The following PCCA variants were observed in gnomAD, a reference collection of about 807,000 sequenced individuals.
The protein encoded by PCCA is propionyl-CoA carboxylase alpha chain, mitochondrial.
In PCCA, 74 loss-of-function variants were observed where a neutral mutation model predicts 101.3. The observed-to-expected ratio is 0.73, with a 90% CI of 0.61 to 0.89. PCCA has a LOEUF of 0.89. PCCA is among the 40% of genes least tolerant of loss of function. PCCA has a pLI of 0.00. For synonymous variants in PCCA, 294 were observed against 313.6 expected, an observed-to-expected ratio of 0.94 and a Z score of 0.66; for missense variants, 891 against 907.0, an observed-to-expected ratio of 0.98 and a Z score of 0.23.
intron 6 of PCCA, among the ~76,000 whole-genome samples, chr13:100,158,260 C>T (rs552907989): frequency 3.2e-4 from 48 of 152,334 alleles, no homozygotes; most frequent in African/African-American, 5.8e-4. Context: ...CACTGTCATA[C>T]GTGTGGTGCC....
chr13:100,521,618 A>G (rs955565637), intron 22 of PCCA, among the ~76,000 whole-genome samples: 2 of 151,714 alleles, frequency 1.3e-5, no homozygotes. Context: ...GCTCAGAGGA[A>G]GTTGCTATTA....
At chr13:100,252,260 T>C (rs1348109219) in intron 8 of PCCA, among the ~76,000 whole-genome samples, 1 of 152,240 alleles carries the variant, frequency 6.6e-6, no homozygotes, top group Admixed American at 6.5e-5. Context: ...CTTGGACCTT[T>C]CCTTGAGGAA....
Position 100,155,054 on chromosome 13 carries a change from G to A in PCCA, c.376G>A (p.Ala126Thr), listed in dbSNP as rs1482878054. Residue 126 changes from alanine (A) to threonine (T), a missense_variant, in exon 5 of 24, where the codon GCC becomes ACC. Transcript: ENST00000376285. The part of the protein sequence containing the change: ...PTSKSYLNMD[A>T]IMEAIKKTRA... ...CAGTAAAAGCTACCTCAACATGGAT[G>A]CCATCATGGAAGCCATTAAGAAAAC... The A allele has an allele frequency of 1.2e-6, 2 of 1,613,748 alleles. No homozygotes were observed. The highest frequency in any genetic ancestry group is 8.5e-7 in the Non-Finnish European group (1 of 1,179,816).
intron 1 of PCCA, among the ~76,000 whole-genome samples, chr13:100,090,267 T>G (rs2046158962): frequency 6.6e-6 from 1 of 152,120 alleles, no homozygotes; most frequent in Admixed American, 6.5e-5. Context: ...GACATGGAAG[T>G]GAGTGGCACC....
intron 21 of PCCA, among the ~76,000 whole-genome samples, chr13:100,515,151 C>T (rs1422352921): frequency 3.3e-5 from 5 of 152,092 alleles, no homozygotes; most frequent in Admixed American, 2.0e-4. Context: ...TTCTTTATAA[C>T]GTTTTGAGAT....
intron 6 of PCCA, among the ~76,000 whole-genome samples, chr13:100,194,722 A>G (rs1471673737): frequency 6.6e-6 from 1 of 152,124 alleles, no homozygotes; most frequent in Non-Finnish European, 1.5e-5. Flanking sequence ...CCCGGCCGTA[A>G]AATTAAATTT....
At chr13:100,177,296 G>A (rs896273370) in intron 6 of PCCA, among the ~76,000 whole-genome samples, 5 of 152,192 alleles carry the variant, frequency 3.3e-5, no homozygotes, top group African/African-American at 1.2e-4. Context: ...ATTATGAGAA[G>A]ACTAAAGCTT....
At position 100,146,468 on chromosome 13, in the gene PCCA, A is replaced by G. The variant is rs1455762919; in HGVS notation, c.301-8511A>G. Among the ~76,000 whole-genome samples the G allele has an allele frequency of 2.0e-5, 3 of 151,624 alleles. No individual in the cohort carries two copies. In the East Asian group the frequency reaches 5.9e-4, roughly 30 times the overall value. ...CACATGCCTGTAATCCCAGCTACTCAGGAGGCTGAGGCAGGAGAATCACTT... is the reference window on the plus strand; with the variant it reads ...CACATGCCTGTAATCCCAGCTACTCGGGAGGCTGAGGCAGGAGAATCACTT... On this transcript the variant is annotated intron_variant, in intron 4 of 23. Transcript: ENST00000376285.
chr13:100,338,021 A>C (rs542813544), intron 17 of PCCA, among the ~76,000 whole-genome samples: 1 of 151,500 alleles, frequency 6.6e-6, no homozygotes, highest in Admixed American at 6.6e-5. Context: ...AGTTTGATAA[A>C]TATCAGTCCA....
chr13:100,145,647 A>C (rs2052444066), intron 4 of PCCA, among the ~76,000 whole-genome samples: 1 of 152,046 alleles, frequency 6.6e-6, no homozygotes, highest in South Asian at 2.1e-4. Flanking sequence ...GCAGATCATG[A>C]GGTTAGGAGA....
chr13:100,226,486 A>G (rs1168549773), intron 7 of PCCA, among the ~76,000 whole-genome samples: 1 of 152,106 alleles, frequency 6.6e-6, no homozygotes, highest in Non-Finnish European at 1.5e-5. Context: ...TAATACCACT[A>G]TCAAAATGTA....
rs2069434702 is a variant in PCCA, at chr13:100,330,772, T to A, written c.1540+101T>A. Reference sequence around the variant, plus strand: ...TATTTTGAAATTAAGGCCTTTTGGCTTATATTATACTTCATTTTTAGAACA... The same window carrying A: ...TATTTTGAAATTAAGGCCTTTTGGCATATATTATACTTCATTTTTAGAACA... On this transcript the variant is annotated intron_variant, in intron 17 of 23. Coordinates refer to ENST00000376285, the MANE Select transcript of PCCA (RefSeq NM_000282.4). 3 of 734,834 alleles carry A rather than the reference T, an allele frequency of 4.1e-6. No individual in the cohort carries two copies. In the East Asian group the frequency reaches 8.2e-5, roughly 20 times the overall value. The allele number at this position is 734,834 out of a possible 1,614,324, so 45.5% of individuals were successfully genotyped here. A position where few individuals can be genotyped will look rare whatever the true frequency, so the allele number is the denominator to read the frequency against.
At chr13:100,443,470 A>G (rs1013722325) in intron 20 of PCCA, among the ~76,000 whole-genome samples, 1 of 151,818 alleles carries the variant, frequency 6.6e-6, no homozygotes, top group Non-Finnish European at 1.5e-5. Flanking sequence ...AAAATCAATA[A>G]TGTTTCATGA....
At chr13:100,528,108 C>T (rs968944266) in intron 23 of PCCA, among the ~76,000 whole-genome samples, 1 of 152,122 alleles carries the variant, frequency 6.6e-6, no homozygotes, top group Admixed American at 6.5e-5. Flanking sequence ...AATGGTTTTA[C>T]AAATTGCAAA....
At chr13:100,365,491 G>A (rs992208618) in intron 18 of PCCA, among the ~76,000 whole-genome samples, 8 of 152,172 alleles carry the variant, frequency 5.3e-5, no homozygotes, top group Non-Finnish European at 1.0e-4. Context: ...CGTGATAGAA[G>A]AAATTCTCAA....
chr13:100,271,908 C>T (rs1338931690), intron 11 of PCCA, among the ~76,000 whole-genome samples: 1 of 152,122 alleles, frequency 6.6e-6, no homozygotes, highest in Non-Finnish European at 1.5e-5. Flanking sequence ...TTAATAATTG[C>T]TATATATTGG....
rs182610766 is a variant in PCCA at position 100,429,204 on chromosome 13, C to A, written c.1845+3473C>A. 1.2e-3 allele frequency among the ~76,000 whole-genome samples: 176 copies of A among 152,120 alleles called. 1 individual carries two copies. Among genetic ancestry groups the A allele is most frequent in the African/African-American group, 4.1e-3 (171 of 41,514 alleles). On this transcript the variant is annotated intron_variant, in intron 20 of 23. Transcript: ENST00000376285. ...TCTGACCACTGTTAGCATGGGCAAA[C>A]CTCCAAATTCTATTCCTGACTCCCC...
intron 16 of PCCA, among the ~76,000 whole-genome samples, chr13:100,323,896 C>T (rs1326501186): frequency 6.6e-6 from 1 of 152,056 alleles, no homozygotes; most frequent in African/African-American, 2.4e-5. Context: ...ACTAACTTAC[C>T]TAAGGTAAGG....
chr13:100,472,344 G>C (rs920569972), intron 21 of PCCA, among the ~76,000 whole-genome samples: 2 of 151,996 alleles, frequency 1.3e-5, no homozygotes, highest in Non-Finnish European at 2.9e-5. Flanking sequence ...TCTGCTTCCT[G>C]CCTCCATCTA....
Sources: gnomAD v4.1 joint callset for allele counts (sites outside exome capture counted in the v4.1 genomes callset) on GRCh38, gnomAD v4.1.1 for gene constraint, MANE v1.5 for transcripts, NCBI Gene and HGNC (gene_info 2026-07-23, HGNC 2026-07-21) for gene names.